ZBTB43: variants seen among roughly 807,000 people sequenced by gnomAD.
ZBTB43 encodes the protein zinc finger and BTB domain containing 43.
In ZBTB43, 6 loss-of-function variants were observed where a neutral mutation model predicts 31.1. That is an observed-to-expected ratio of 0.19 (90% CI 0.11 to 0.38). The LOEUF (loss-of-function observed/expected upper bound fraction) is 0.38, where lower values mean the gene tolerates loss of function less well. Ranked by LOEUF, ZBTB43 falls within the 10% of genes least tolerant of loss-of-function variation. ZBTB43 has a pLI of 1.00. For synonymous variants in ZBTB43, 212 were observed against 221.7 expected (o/e 0.96, Z 0.39); for missense variants, 379 against 602.1 (o/e 0.63, Z 3.88).
chr9:126,833,900 C>T lies in ZBTB43; in HGVS notation c.1391C>T (p.Thr464Ile). The stretch of plus-strand genomic sequence containing the variant: ...GCTGCAAAGGCTGAGCAGAATACAA[C>T]TGAGGCTAACTAAAAATAGGATCTG... ...YEAAKAEQNT[T>I]EAN is the part of the protein sequence containing the mutation. Residue 464 changes from threonine (T) to isoleucine (I), a missense_variant, in exon 3 of 3, where the codon ACT becomes ATT. By Grantham distance (89) the Thr-to-Ile change is moderately conservative (BLOSUM62 -1). This residue lies in a region of ZBTB43 where 21 missense variants were observed against 22.4 expected (regional missense o/e 0.94). Transcript: ENST00000373464. This position sits in a 1 kb window ranked among gnomAD's most constrained non-coding sequence, Gnocchi z 7.9. 6.3e-7 allele frequency: 1 copy of T among 1,577,140 alleles called. No homozygotes were observed. Among genetic ancestry groups the T allele is most frequent in the Non-Finnish European group, 8.7e-7 (1 of 1,153,096 alleles).
chr9:126,825,727 C>T (rs957630190), intron 2 of ZBTB43, among the ~76,000 whole-genome samples: 5 of 151,980 alleles, frequency 3.3e-5, no homozygotes. Flanking sequence ...CTCTGAGGTA[C>T]AGGGCATTAC....
chr9:126,813,675 G>A (rs1260638837), intron 2 of ZBTB43, among the ~76,000 whole-genome samples: 8 of 152,076 alleles, frequency 5.3e-5, no homozygotes, highest in East Asian at 1.9e-4. Flanking sequence ...TACCAAACCC[G>A]CAAGAGATTA....
At chr9:126,826,598 G>A (rs909013072) in intron 2 of ZBTB43, among the ~76,000 whole-genome samples, 52 of 150,356 alleles carry the variant, frequency 3.5e-4, no homozygotes, top group African/African-American at 1.2e-3. Context: ...CGAGTAGCTG[G>A]GACTACAGGC....
In ZBTB43 at chr9:126,835,006, A is replaced by G. The variant is rs1031926588; in HGVS notation, c.*1093A>G. 2.4e-5 allele frequency: 4 copies of G among 167,028 alleles called. No individual in the cohort carries two copies. The highest frequency in any genetic ancestry group is 9.7e-5 in the African/African-American group (4 of 41,410). The allele number at this position is 167,028 out of a possible 1,614,324, so 10.3% of individuals were successfully genotyped here. A position where few individuals can be genotyped will look rare whatever the true frequency, so the allele number is the denominator to read the frequency against. On this transcript the variant is annotated 3_prime_UTR_variant, in exon 3 of 3. Transcript: ENST00000373464. ...GAGTGGTTATACTTAAGGGGGACAA[A>G]ACTGCCCAAGAAGAATCTTGAGAAT... is the stretch of plus-strand genomic sequence containing the variant.
At chr9:126,815,330 C>A (rs28681349) in intron 2 of ZBTB43, among the ~76,000 whole-genome samples, 37 of 119,756 alleles carry the variant, frequency 3.1e-4, no homozygotes, top group African/African-American at 5.3e-4. Context: ...ATATATAAAA[C>A]TATATATATA....
chr9:126,817,173 G>A (rs981491210), intron 2 of ZBTB43, among the ~76,000 whole-genome samples: 6 of 136,230 alleles, frequency 4.4e-5, no homozygotes, highest in Non-Finnish European at 9.3e-5. Flanking sequence ...TGCAGTGGTG[G>A]CAGTCACAGC....
rs921211061 is a variant in ZBTB43, at chr9:126,835,360, G to A, written c.*1447G>A. The A allele has an allele frequency of 1.8e-5, 3 of 167,078 alleles. No homozygotes were observed. In the East Asian group the frequency reaches 5.8e-4, roughly 32 times the overall value. 10.3% of individuals were successfully genotyped at this position (167,078 alleles called of 1,614,324 possible). On this transcript the variant is annotated 3_prime_UTR_variant, in exon 3 of 3. Transcript: ENST00000373464. ...TGTAACATACCTGAGGTTATCACCA[G>A]GGTAGGACAGGGTGCTACTACCATG...
chr9:126,815,357 A>ACTATATATATAGTTTTCAATATATAAAT (rs1564201147), intron 2 of ZBTB43, among the ~76,000 whole-genome samples: 22 of 142,666 alleles, frequency 1.5e-4, no homozygotes, highest in South Asian at 1.3e-3. Flanking sequence ...AATATATAAA[A>ACTATATATATAGTTTTCAATATATAAAT]ATATATATAT....
At chr9:126,809,570 T>A (rs1386307398) in intron 2 of ZBTB43, among the ~76,000 whole-genome samples, 1 of 152,208 alleles carries the variant, frequency 6.6e-6, no homozygotes, top group Admixed American at 6.5e-5. Flanking sequence ...GTTTAATAGG[T>A]GTTTAAATCA....
chr9:126,810,231 G>A (rs1462190271), intron 2 of ZBTB43, among the ~76,000 whole-genome samples: 3 of 151,920 alleles, frequency 2.0e-5, no homozygotes, highest in Non-Finnish European at 4.4e-5. Flanking sequence ...TCTCGCTCTT[G>A]TTGCCCAGGC....
At position 126,834,620 on chromosome 9, in the gene ZBTB43, T is replaced by A. The variant is rs935239097; in HGVS notation, c.*707T>A. The stretch of plus-strand genomic sequence containing the variant: ...ATAAGGCAGTGTTTTGTATTTTAGT[T>A]CTAACATTGAGTTTGGACAATTTTA... On this transcript the variant is annotated 3_prime_UTR_variant, in exon 3 of 3. Transcript: ENST00000373464. 6.0e-6 allele frequency: 1 copy of A among 166,988 alleles called. No homozygotes were observed. Among genetic ancestry groups the A allele is most frequent in the African/African-American group, 2.4e-5 (1 of 41,458 alleles). 10.3% of individuals were successfully genotyped at this position (166,988 alleles called of 1,614,324 possible). A position where few individuals can be genotyped will look rare whatever the true frequency, so the allele number is the denominator to read the frequency against.
intron 2 of ZBTB43, among the ~76,000 whole-genome samples, chr9:126,813,807 T>G (rs887465154): frequency 6.6e-6 from 1 of 152,166 alleles, no homozygotes; most frequent in South Asian, 2.1e-4. Flanking sequence ...TGTATAAAAT[T>G]TATGAATTTT....
intron 1 of ZBTB43, among the ~76,000 whole-genome samples, chr9:126,805,356 C>G (rs1046260867): frequency 6.6e-6 from 1 of 152,226 alleles, no homozygotes; most frequent in African/African-American, 2.4e-5. Context: ...GATACCGAGG[C>G]CTTTGGGGCA....
chr9:126,810,166 G>A (rs568626816), intron 2 of ZBTB43, among the ~76,000 whole-genome samples: 1 of 151,478 alleles, frequency 6.6e-6, no homozygotes, highest in South Asian at 2.1e-4. Flanking sequence ...TAAGGTTTTT[G>A]TTTGTTTGTT....
intron 2 of ZBTB43, among the ~76,000 whole-genome samples, chr9:126,817,855 AT>A (rs1006981266): frequency 1.3e-5 from 2 of 152,172 alleles, no homozygotes; most frequent in African/African-American, 4.8e-5. Flanking sequence ...TACTCTCAGT[AT>A]AGGTCACAAT....
chr9:126,832,659 T>C lies in ZBTB43; in HGVS notation c.150T>C (p.Val50=). 6.2e-7 allele frequency: 1 copy of C among 1,614,182 alleles called. No individual in the cohort carries two copies. Among genetic ancestry groups the C allele is most frequent in the Non-Finnish European group, 8.5e-7 (1 of 1,180,042 alleles). The part of the protein sequence containing the change: ...QGHIFRAHKA[V]LAASSPYFCD... Reference sequence around the variant, plus strand: ...ACATTTTCCGGGCACACAAAGCCGTTCTTGCTGCCAGTTCACCCTACTTTT... The same window carrying C: ...ACATTTTCCGGGCACACAAAGCCGTCCTTGCTGCCAGTTCACCCTACTTTT... The change falls in exon 3 of 3, where the codon GTT becomes GTC. Residue 50 remains valine (V), a synonymous_variant. Transcript: ENST00000373464.
chr9:126,831,929 GCCTGGGCAAC>G (rs2032771951), intron 2 of ZBTB43: 2 of 149,924 alleles, frequency 1.3e-5, no homozygotes, highest in African/African-American at 2.5e-5. Flanking sequence ...TTGCACTCCA[GCCTGGGCAAC>G]AAGAGCAAAA....
intron 2 of ZBTB43, among the ~76,000 whole-genome samples, chr9:126,828,966 TAATTAAGGA>T (rs2032710865): frequency 6.6e-6 from 1 of 152,104 alleles, no homozygotes; most frequent in Non-Finnish European, 1.5e-5. Context: ...GCCTCATTCA[TAATTAAGGA>T]AATGCAGATC....
At chr9:126,806,269 G>A (rs1428041644) in intron 1 of ZBTB43, among the ~76,000 whole-genome samples, 1 of 152,220 alleles carries the variant, frequency 6.6e-6, no homozygotes, top group Admixed American at 6.5e-5. Flanking sequence ...GGGTTTCTGG[G>A]ATAACTGCAT....
Sources: allele counts gnomAD v4.1 joint callset (sites outside exome capture counted in the v4.1 genomes callset), GRCh38; gene constraint gnomAD v4.1.1; regional missense constraint gnomAD v4.1.1; non-coding constraint Gnocchi (gnomAD v3.1); transcripts MANE v1.5; gene names NCBI Gene and HGNC (gene_info 2026-07-23, HGNC 2026-07-21).